The following MAGED1 variants were observed in gnomAD, a reference collection of about 807,000 sequenced individuals.
MAGED1 encodes MAGE family member D1, also known as melanoma-associated antigen D1.
Under a neutral mutation model 54.1 loss-of-function variants are expected in MAGED1, and 3 were observed. That is an observed-to-expected ratio of 0.06 (90% CI 0.03 to 0.14). The LOEUF (loss-of-function observed/expected upper bound fraction) is 0.14, where lower values mean the gene tolerates loss of function less well. Ranked by LOEUF, MAGED1 falls within the 10% of genes least tolerant of loss-of-function variation. The pLI is 1.00. For missense variants in MAGED1, 485 were observed against 623.4 expected, an observed-to-expected ratio of 0.78 and a Z score of 2.36; for synonymous variants, 217 against 227.3, an observed-to-expected ratio of 0.95 and a Z score of 0.41.
intron 1 of MAGED1, among the ~76,000 whole-genome samples, chrX:51,820,958 C>G (rs1439889184): frequency 8.9e-6 from 1 of 111,810 alleles, no homozygotes; most frequent in Admixed American, 9.5e-5. Context: ...AACCACTATT[C>G]TAATCTGTAC....
rs782098809 is a variant in MAGED1, at chrX:51,836,051, T to G, written c.-37+32934T>G. On this transcript the variant is annotated intron_variant, in intron 1 of 12. Transcript: ENST00000375772. ...AAGCTCAGATATTATTATTTACATCTCTAAAATTTTAATTTGGGCGTCTTT... is the reference window on the plus strand; with the variant it reads ...AAGCTCAGATATTATTATTTACATCGCTAAAATTTTAATTTGGGCGTCTTT... Among the ~76,000 whole-genome samples, 13 of 111,993 alleles carry G rather than the reference T, an allele frequency of 1.2e-4. No individual in the cohort carries two copies. In the South Asian group the frequency reaches 4.8e-3, roughly 42 times the overall value.
intron 1 of MAGED1, among the ~76,000 whole-genome samples, chrX:51,864,932 T>C (rs782498076): frequency 8.9e-6 from 1 of 112,232 alleles, no homozygotes; most frequent in Non-Finnish European, 1.9e-5. Flanking sequence ...CCAATTTGGA[T>C]GCATTTTATT....
rs183944548 is a variant in MAGED1 at position 51,895,511 on chromosome X, T to C, written c.504T>C (p.Asn168=). Residue 168 remains asparagine (N), a synonymous_variant, in exon 3 of 13, where the codon AAT becomes AAC. Coordinates refer to ENST00000326587, the MANE Select transcript of MAGED1 (RefSeq NM_006986.4). ...CCTACAATTTCTCTCAGTCTCTCAA[T>C]GCCAATGACCTGGCCAACAGCAGGC... ...NATYNFSQSL[N]ANDLANSRPK... is the part of the protein sequence containing the mutation. The C allele has an allele frequency of 1.5e-4, 180 of 1,209,395 alleles. 1 individual carries two copies. In the Admixed American group the frequency reaches 3.9e-3, roughly 26 times the overall value.
chrX:51,864,451 C>T (rs1341888386), intron 1 of MAGED1, among the ~76,000 whole-genome samples: 1 of 111,494 alleles, frequency 9.0e-6, no homozygotes, highest in African/African-American at 3.3e-5. Flanking sequence ...AATGTGAAAT[C>T]AGGAAGTATG....
At chrX:51,810,252 C>T (rs1245414215) in intron 1 of MAGED1, among the ~76,000 whole-genome samples, 1 of 111,064 alleles carries the variant, frequency 9.0e-6, no homozygotes, top group Non-Finnish European at 1.9e-5. Context: ...TGCCCCACCC[C>T]TGGAATTAGC....
At chrX:51,843,655 T>A (rs1179678926) in intron 1 of MAGED1, among the ~76,000 whole-genome samples, 8 of 112,075 alleles carry the variant, frequency 7.1e-5, no homozygotes, top group Admixed American at 1.9e-4. Context: ...TAAATTCATA[T>A]TGTTTTAGCT....
intron 1 of MAGED1, among the ~76,000 whole-genome samples, chrX:51,869,513 T>C (rs1461742883): frequency 9.0e-6 from 1 of 111,521 alleles, no homozygotes; most frequent in Non-Finnish European, 1.9e-5. Context: ...TGTGAACCAC[T>C]GCCCTTGGCC....
chrX:51,803,627 C>CT (rs1179676499), intron 1 of MAGED1, among the ~76,000 whole-genome samples: 6,006 of 60,153 alleles, frequency 0.1, 316 homozygotes, highest in Non-Finnish European at 0.13. Flanking sequence ...AAGGTCAAGG[C>CT]TTTTTTTTTT....
At chrX:51,829,232 G>T (rs1412910413) in intron 1 of MAGED1, among the ~76,000 whole-genome samples, 9 of 111,423 alleles carry the variant, frequency 8.1e-5, no homozygotes, top group Non-Finnish European at 1.5e-4. Flanking sequence ...ATGTGGCGAG[G>T]AGCTCAGGGT....
intron 1 of MAGED1, among the ~76,000 whole-genome samples, chrX:51,852,555 G>GA (rs1452359013): frequency 2.7e-5 from 3 of 112,068 alleles, no homozygotes; most frequent in Non-Finnish European, 5.6e-5. Context: ...TACTTCCAAG[G>GA]AAAGATTTGT....
chrX:51,876,081 G>A (rs1927855942), intron 1 of MAGED1, among the ~76,000 whole-genome samples: 1 of 111,188 alleles, frequency 9.0e-6, no homozygotes, highest in African/African-American at 3.3e-5. Context: ...CAATTTCAGA[G>A]ACTATAAATC....
chrX:51,876,760 T>TTTTTCTTTTCTTTTC (rs201706791), intron 1 of MAGED1, among the ~76,000 whole-genome samples: 28 of 110,858 alleles, frequency 2.5e-4, no homozygotes, highest in African/African-American at 7.9e-4. Flanking sequence ...ACTGGGTACC[T>TTTTTCTTTTCTTTTC]TTTTCTTTTC....
chrX:51,840,592 A>G (rs1391100148), intron 1 of MAGED1, among the ~76,000 whole-genome samples: 2 of 82,583 alleles, frequency 2.4e-5, no homozygotes, highest in Non-Finnish European at 4.7e-5. Context: ...CCCTTCCCCC[A>G]CCCCACAACG....
intron 1 of MAGED1, among the ~76,000 whole-genome samples, chrX:51,824,368 T>C (rs1925751792): frequency 9.0e-6 from 1 of 111,186 alleles, no homozygotes; most frequent in Admixed American, 9.6e-5. Flanking sequence ...TGGCCATGAC[T>C]TCTGAGGAGA....
At chrX:51,844,276 A>G (rs145023142) in intron 1 of MAGED1, among the ~76,000 whole-genome samples, 20 of 112,110 alleles carry the variant, frequency 1.8e-4, no homozygotes, top group African/African-American at 5.2e-4. Context: ...AGTGGCAGAA[A>G]GCTTAGCTGA....
chrX:51,872,610 A>G (rs1400579163), intron 1 of MAGED1, among the ~76,000 whole-genome samples: 1 of 112,168 alleles, frequency 8.9e-6, no homozygotes, highest in East Asian at 2.8e-4. Context: ...GTCTTTCTAG[A>G]ATATTTTCAC....
rs1928689107 is a variant in MAGED1 at position 51,895,274 on chromosome X, T to G, written c.267T>G (p.Asn89Lys). The change falls in exon 3 of 13, where the codon AAT (asparagine) becomes AAG (lysine). Residue 89 changes from asparagine to lysine, a missense_variant. Transcript: ENST00000326587. ...KVQNATTKGP[N>K]GVYDFSQAHN... The stretch of plus-strand genomic sequence containing the variant: ...AGAATGCCACCACAAAAGGCCCAAA[T>G]GGTGTCTATGATTTCTCTCAGGCTC... 3.3e-6 allele frequency: 4 copies of G among 1,210,995 alleles called. No homozygotes were observed. The East Asian group carries it at 1.2e-4, about 36-fold the overall frequency.
intron 1 of MAGED1, among the ~76,000 whole-genome samples, chrX:51,870,503 G>A (rs1439216534): frequency 2.7e-5 from 3 of 111,684 alleles, no homozygotes; most frequent in Admixed American, 9.5e-5. Context: ...TTTGCCTTGC[G>A]TATATAAAGA....
In MAGED1 at chrX:51,896,900, T is replaced by C. The variant is rs376126768; in HGVS notation, c.1245T>C (p.Asp415=). The part of the protein sequence containing the change: ...PLPPDWPLPP[D]WPLPTDWPLP... Reference sequence around the variant, plus strand: ...CACCCGACTGGCCACTGCCACCTGATTGGCCACTTCCCACTGACTGGCCAC... The same window carrying C: ...CACCCGACTGGCCACTGCCACCTGACTGGCCACTTCCCACTGACTGGCCAC... The change falls in exon 4 of 13, where the codon GAT becomes GAC. Residue 415 remains aspartate, a synonymous_variant. Transcript: ENST00000326587. 11 of 1,205,370 alleles carry C rather than the reference T, an allele frequency of 9.1e-6. No homozygotes were observed. In the African/African-American group the frequency reaches 1.8e-4, roughly 19 times the overall value.
Sources: gnomAD v4.1 joint callset for allele counts (sites outside exome capture counted in the v4.1 genomes callset) on GRCh38, gnomAD v4.1.1 for gene constraint, MANE v1.5 for transcripts, NCBI Gene and HGNC (gene_info 2026-07-23, HGNC 2026-07-21) for gene names.